SPTAN1: variants seen among roughly 807,000 people sequenced by gnomAD.
SPTAN1 encodes spectrin alpha chain, non-erythrocytic 1.
In SPTAN1, 61 loss-of-function variants were observed where a neutral mutation model predicts 331.3. The observed-to-expected ratio is 0.18, with a 90% CI of 0.15 to 0.23. The LOEUF (loss-of-function observed/expected upper bound fraction) is 0.23. SPTAN1 is among the 10% of genes least tolerant of loss of function. SPTAN1 has a pLI of 1.00. For synonymous variants in SPTAN1, 1,153 were observed against 1,173.9 expected (o/e 0.98, Z 0.36); for missense variants, 2,043 against 3,147.9 (o/e 0.65, Z 8.40).
At position 128,611,758 on chromosome 9, in the gene SPTAN1, C is replaced by T; in HGVS notation, c.4818C>T (p.Ala1606=). The part of the protein sequence containing the change: ...KHQAFEAELH[A]NADRIRGVID... ...AGGCTTTTGAAGCAGAGCTGCATGCCAACGCTGACCGGATCCGTGGGGTTA... is the reference window on the plus strand; with the variant it reads ...AGGCTTTTGAAGCAGAGCTGCATGCTAACGCTGACCGGATCCGTGGGGTTA... Residue 1606 remains alanine (A), a synonymous_variant, in exon 38 of 57, where the codon GCC becomes GCT. Coordinates refer to ENST00000372739, the MANE Select transcript of SPTAN1 (RefSeq NM_001130438.3). 1 of 1,614,146 alleles carries T rather than the reference C, an allele frequency of 6.2e-7. No individual in the cohort carries two copies. Among genetic ancestry groups the T allele is most frequent in the South Asian group, 1.1e-5 (1 of 91,084 alleles).
rs760243298 is a variant in SPTAN1 at position 128,625,894 on chromosome 9, C to T, written c.6195C>T (p.Ser2065=). The T allele has an allele frequency of 1.5e-5, 24 of 1,614,086 alleles. No individual in the cohort carries two copies. The African/African-American group carries it at 2.4e-4, about 16-fold the overall frequency. ...AGGCCATCGAGGCCCGGCACGCCTC[C>T]CTCATGAAGAGGTGGAGCCAGCTTC... ...QSKAIEARHA[S]LMKRWSQLLA... is the part of the protein sequence containing the mutation. The change falls in exon 48 of 57, where the codon TCC becomes TCT. Residue 2065 remains serine, a synonymous_variant. Coordinates refer to ENST00000372739, the MANE Select transcript of SPTAN1 (RefSeq NM_001130438.3). This position sits in a 1 kb window ranked among gnomAD's most constrained non-coding sequence, Gnocchi z 4.1.
Position 128,625,927 on chromosome 9 carries a change from C to G in SPTAN1, c.6228C>G (p.Asn2076Lys), listed in dbSNP as rs752560514. The change falls in exon 48 of 57, where the codon AAC becomes AAG. Residue 2076 changes from asparagine (N) to lysine (K), a missense_variant. Physicochemically the swap from Asn to Lys is moderately conservative, Grantham distance 94. Coordinates refer to ENST00000372739, the MANE Select transcript of SPTAN1 (RefSeq NM_001130438.3). This position sits in a 1 kb window ranked among gnomAD's most constrained non-coding sequence, Gnocchi z 4.1. ...LMKRWSQLLA[N>K]SAARKKKLLE... ...AGAGGTGGAGCCAGCTTCTGGCCAA[C>G]TCAGCCGCCCGCAAGAAGAAGCTTC... The G allele has an allele frequency of 6.2e-7, 1 of 1,614,236 alleles. No individual in the cohort carries two copies. Among genetic ancestry groups the G allele is most frequent in the East Asian group, 2.2e-5 (1 of 44,872 alleles).
In SPTAN1 at chr9:128,568,915, G is replaced by A. The variant is rs376019489; in HGVS notation, c.363+18G>A. ...CCATACGGGTGAGTATGAGTAGCTC[G>A]TGGAGTGGATGGCTTCATCTGGGTG... On this transcript the variant is annotated intron_variant, in intron 3 of 56. Coordinates refer to ENST00000372739, the MANE Select transcript of SPTAN1 (RefSeq NM_001130438.3). 1.5e-5 allele frequency: 25 copies of A among 1,613,660 alleles called. No individual in the cohort carries two copies. The highest frequency in any genetic ancestry group is 1.5e-4 in the South Asian group (14 of 91,064).
intron 20 of SPTAN1, among the ~76,000 whole-genome samples, 186 bp downstream of exon 20, chr9:128,587,884 C>T (rs180864378): frequency 6.9e-4 from 105 of 152,230 alleles, no homozygotes; most frequent in African/African-American, 2.5e-3. Context: ...CTCACTCCGT[C>T]GCCTAGGCTG....
intron 23 of SPTAN1, chr9:128,593,972 C>A: frequency 3.2e-6 from 2 of 623,292 alleles, no homozygotes; most frequent in South Asian, 1.7e-5. Context: ...GTGAACAGTA[C>A]AGTGTGCGCA....
chr9:128,605,412 T>G lies in SPTAN1; in HGVS notation c.3981T>G (p.Arg1327=), dbSNP rs1855698042. ...LNQAWSSLGK[R]ADQRKAKLGD... is the part of the protein sequence containing the mutation. ...AGGCCTGGAGCAGCCTGGGGAAACGTGCAGATCAGCGCAAGGCAAAGTTGG... is the reference window on the plus strand; with the variant it reads ...AGGCCTGGAGCAGCCTGGGGAAACGGGCAGATCAGCGCAAGGCAAAGTTGG... The change falls in exon 31 of 57, where the codon CGT becomes CGG. Residue 1327 remains arginine (R), a synonymous_variant. Transcript: ENST00000372739. 6.2e-7 allele frequency: 1 copy of G among 1,614,100 alleles called. No homozygotes were observed. The highest frequency in any genetic ancestry group is 1.7e-5 in the Admixed American group (1 of 59,996).
At chr9:128,568,952 A>G in intron 3 of SPTAN1, 55 bp downstream of exon 3, 2 of 1,610,994 alleles carry the variant, frequency 1.2e-6, no homozygotes, top group Admixed American at 3.3e-5. Flanking sequence ...AGCATTGTAG[A>G]TTCATGCATA....
intron 10 of SPTAN1, 26 bp downstream of exon 10, chr9:128,579,764 G>A: frequency 6.3e-7 from 1 of 1,579,836 alleles, no homozygotes; most frequent in Non-Finnish European, 8.7e-7. Context: ...TGGAGCTTTT[G>A]AGGAGCAAAT....
Position 128,612,252 on chromosome 9 carries a change from A to T in SPTAN1, c.5043+6A>T. ...TTGACTTCTGGCTGTCTGAGGTAACACTGAGTGGTTCCTCTTCCTACCAGT... is the reference window on the plus strand; with the variant it reads ...TTGACTTCTGGCTGTCTGAGGTAACTCTGAGTGGTTCCTCTTCCTACCAGT... On this transcript the variant is annotated splice_donor_region_variant and intron_variant, in intron 39 of 56. Transcript: ENST00000372739. 6.2e-7 allele frequency: 1 copy of T among 1,614,104 alleles called. No homozygotes were observed. The highest frequency in any genetic ancestry group is 8.5e-7 in the Non-Finnish European group (1 of 1,180,002).
chr9:128,567,898 A>G (rs1850223472), intron 2 of SPTAN1, among the ~76,000 whole-genome samples: 1 of 151,752 alleles, frequency 6.6e-6, no homozygotes, highest in African/African-American at 2.4e-5. Context: ...GTAGCTGGGA[A>G]TGTAGGCACG....
Position 128,625,366 on chromosome 9 carries a change from G to T in SPTAN1, c.6069+187G>T, listed in dbSNP as rs1858577513. Among the ~76,000 whole-genome samples, 1 of 152,248 alleles carries T rather than the reference G, an allele frequency of 6.6e-6. No individual in the cohort carries two copies. Among genetic ancestry groups the T allele is most frequent in the Admixed American group, 6.5e-5 (1 of 15,282 alleles). On this transcript the variant is annotated intron_variant, in intron 47 of 56. Coordinates refer to ENST00000372739, the MANE Select transcript of SPTAN1 (RefSeq NM_001130438.3). This position sits in a 1 kb window ranked among gnomAD's most constrained non-coding sequence, Gnocchi z 4.1. ...AGCAGACACAGAACCAGGCATCTCT[G>T]CAGCAGCCTGCTGGGTGCTGACGGG...
chr9:128,623,910 A>AC (rs1239140091), intron 45 of SPTAN1, among the ~76,000 whole-genome samples: 26 of 143,136 alleles, frequency 1.8e-4, no homozygotes, highest in African/African-American at 5.9e-4. Context: ...ACATGGTGAA[A>AC]CCCCCATCTC....
intron 3 of SPTAN1, among the ~76,000 whole-genome samples, chr9:128,572,451 G>A (rs1850838976): frequency 7.0e-6 from 1 of 142,042 alleles, no homozygotes; most frequent in Non-Finnish European, 1.5e-5. Flanking sequence ...AATGGTTCCA[G>A]TACTGGGACA....
chr9:128,585,698 T>G (rs1049632049), intron 18 of SPTAN1, 50 bp from the exon 19 acceptor site: 1 of 1,465,760 alleles, frequency 6.8e-7, no homozygotes, highest in Middle Eastern at 1.7e-4. Flanking sequence ...TGTCCTTCTG[T>G]GATGTGTCAA....
chr9:128,600,972 G>GCCTTTTTTTTT (rs1855048515), intron 27 of SPTAN1, among the ~76,000 whole-genome samples: 1 of 22,228 alleles, frequency 4.5e-5, no homozygotes, highest in African/African-American at 9.7e-5. Context: ...CAGGGAGAAA[G>GCCTTTTTTTTT]TCTTTTTTTT....
At chr9:128,565,305 A>G (rs931167087) in intron 1 of SPTAN1, among the ~76,000 whole-genome samples, 3 of 152,256 alleles carry the variant, frequency 2.0e-5, no homozygotes, top group Non-Finnish European at 4.4e-5. Flanking sequence ...GTCTCAAACA[A>G]AAAACAAAAA....
At chr9:128,630,073 A>C (rs1859449534) in intron 51 of SPTAN1, 16 of 675,884 alleles carry the variant, frequency 2.4e-5, no homozygotes, top group South Asian at 2.2e-4. Flanking sequence ...CCTTGGGAGC[A>C]AGACGAGTGG....
At chr9:128,588,049 G>A (rs1403643674) in intron 20 of SPTAN1, among the ~76,000 whole-genome samples, 2 of 148,012 alleles carry the variant, frequency 1.4e-5, no homozygotes, top group African/African-American at 5.0e-5. Flanking sequence ...TCTTGCTAGA[G>A]TGCAGTGGCA....
At position 128,593,989 on chromosome 9, in the gene SPTAN1, T is replaced by C. The variant is rs1204345763; in HGVS notation, c.3216-186T>C. On this transcript the variant is annotated intron_variant, in intron 23 of 56. Transcript: ENST00000372739. ...GAACAGTACAGTGTGCGCATATCTC[T>C]CAGGCTGTGGCGTGGGTACTTGGGA... The C allele has an allele frequency of 1.2e-5, 8 of 663,010 alleles. No homozygotes were observed. In the South Asian group the frequency reaches 1.3e-4, roughly 11 times the overall value. 41.1% of individuals were successfully genotyped at this position (663,010 alleles called of 1,614,324 possible).
Sources: gnomAD v4.1 joint callset for allele counts (sites outside exome capture counted in the v4.1 genomes callset) on GRCh38, gnomAD v4.1.1 for gene constraint, Gnocchi (gnomAD v3.1) non-coding constraint, MANE v1.5 for transcripts, NCBI Gene and HGNC (gene_info 2026-07-23, HGNC 2026-07-21) for gene names.